The following CFAP91 variants were observed in gnomAD, a reference collection of about 807,000 sequenced individuals.
The protein encoded by CFAP91 is cilia and flagella associated protein 91.
In CFAP91, 85 loss-of-function variants were observed where a neutral mutation model predicts 95.9. The observed-to-expected ratio is 0.89, with a 90% CI of 0.74 to 1.06. CFAP91 has a LOEUF of 1.06. CFAP91 is among the 50% of genes least tolerant of loss of function. The pLI is 0.00. For missense variants in CFAP91, 962 were observed against 943.4 expected, an observed-to-expected ratio of 1.02 and a Z score of -0.26; for synonymous variants, 335 against 327.5, an observed-to-expected ratio of 1.02 and a Z score of -0.25.
In CFAP91 at chr3:119,709,825, C is replaced by T. The variant is rs2053441880; in HGVS notation, c.444-14C>T. 2.5e-6 allele frequency: 4 copies of T among 1,603,274 alleles called. No individual in the cohort carries two copies. The highest frequency in any genetic ancestry group is 3.4e-6 in the Non-Finnish European group (4 of 1,170,476). On this transcript the variant is annotated splice_polypyrimidine_tract_variant and intron_variant, in intron 4 of 17. Transcript: ENST00000273390. ...CAAAAGTCCCACACATTTATGTTTT[C>T]TTTTTCCTCCCAGGCCTTTTCTCCC...
chr3:119,753,013 G>T (rs1019758639), intron 17 of CFAP91, among the ~76,000 whole-genome samples: 2 of 152,126 alleles, frequency 1.3e-5, no homozygotes, highest in African/African-American at 4.8e-5. Flanking sequence ...TCTAGGGAAA[G>T]GGGCAGTAGT....
Position 119,730,207 on chromosome 3 carries a change from A to C in CFAP91, c.861-13A>C. 1 of 1,609,728 alleles carries C rather than the reference A, an allele frequency of 6.2e-7. No homozygotes were observed. Among genetic ancestry groups the C allele is most frequent in the Non-Finnish European group, 8.5e-7 (1 of 1,178,302 alleles). On this transcript the variant is annotated splice_polypyrimidine_tract_variant and intron_variant, in intron 7 of 17. Transcript: ENST00000273390. ...TGCCATATGCTTCTTTATGTTTTGTAATTTACTTGAAGACTGCAGGAGATT... is the reference window on the plus strand; with the variant it reads ...TGCCATATGCTTCTTTATGTTTTGTCATTTACTTGAAGACTGCAGGAGATT...
intron 1 of CFAP91, 180 bp downstream of exon 1, chr3:119,703,402 A>T: frequency 1.1e-6 from 1 of 895,526 alleles, no homozygotes; most frequent in South Asian, 1.7e-5. Context: ...GGCCGCACTC[A>T]GGTTGGGGTC....
chr3:119,732,390 A>G lies in CFAP91; in HGVS notation c.1115A>G (p.Tyr372Cys), dbSNP rs775772542. The G allele has an allele frequency of 1.2e-5, 19 of 1,613,334 alleles. No homozygotes were observed. Among genetic ancestry groups the G allele is most frequent in the Middle Eastern group, 1.6e-4 (1 of 6,084 alleles). Residue 372 changes from tyrosine (Y) to cysteine (C), a missense_variant, in exon 9 of 18, where the codon TAT becomes TGT. Physicochemically the swap from Tyr to Cys is radical, Grantham distance 194. Transcript: ENST00000273390. ...KDYSDYASQV[Y>C]GPLSRLGCFP... is the part of the protein sequence containing the mutation. Reference sequence around the variant, plus strand: ...TATTCTGATTATGCATCACAGGTCTATGGACCTCTGTCTCGTCTTGGGTGT... The same window carrying G: ...TATTCTGATTATGCATCACAGGTCTGTGGACCTCTGTCTCGTCTTGGGTGT...
intron 8 of CFAP91, among the ~76,000 whole-genome samples, chr3:119,731,849 A>G (rs1407004795): frequency 2.0e-5 from 3 of 152,246 alleles, no homozygotes; most frequent in Non-Finnish European, 4.4e-5. Flanking sequence ...GTAAGCTGAG[A>G]CAGTCTTTGG....
intron 16 of CFAP91, among the ~76,000 whole-genome samples, chr3:119,749,873 AAGTAAT>A (rs2054295321): frequency 6.6e-6 from 1 of 152,236 alleles, no homozygotes; most frequent in Non-Finnish European, 1.5e-5. Context: ...TATAGATATA[AAGTAAT>A]AGTAACTGCC....
rs2054622277 is a variant in CFAP91, at chr3:119,766,076, A to G, written c.*1026A>G. 1 of 152,218 alleles carries G rather than the reference A, an allele frequency of 6.6e-6. No homozygotes were observed. The allele number at this position is 152,218 out of a possible 1,614,324, so 9.4% of individuals were successfully genotyped here. The stretch of plus-strand genomic sequence containing the variant: ...AAAAGATTTAAAATCCAGCAACAAA[A>G]TTTACACATTCATTTGGATGCAGTG... On this transcript the variant is annotated 3_prime_UTR_variant, in exon 18 of 18. Transcript: ENST00000273390.
chr3:119,743,545 T>C (rs1374358860), intron 13 of CFAP91, among the ~76,000 whole-genome samples: 1 of 152,222 alleles, frequency 6.6e-6, no homozygotes, highest in Non-Finnish European at 1.5e-5. Context: ...AGGAAAGATA[T>C]TGAAAAATTA....
chr3:119,725,866 A>T (rs2053772643), intron 6 of CFAP91, among the ~76,000 whole-genome samples: 2 of 152,208 alleles, frequency 1.3e-5, no homozygotes, highest in Non-Finnish European at 2.9e-5. Context: ...TTCAGTATAT[A>T]AATTTGTTTA....
intron 6 of CFAP91, among the ~76,000 whole-genome samples, chr3:119,723,929 G>A (rs1248747034): frequency 6.6e-6 from 1 of 151,778 alleles, no homozygotes; most frequent in African/African-American, 2.4e-5. Flanking sequence ...GGAGGCTGAA[G>A]CTAGCAGATC....
chr3:119,712,799 A>T (rs1433048659), intron 5 of CFAP91, among the ~76,000 whole-genome samples: 1 of 152,058 alleles, frequency 6.6e-6, no homozygotes, highest in African/African-American at 2.4e-5. Context: ...TACTAAAAAT[A>T]CAAAAATTAG....
chr3:119,733,508 T>C lies in CFAP91; in HGVS notation c.1344+2T>C. On this transcript the variant is annotated splice_donor_variant, in intron 10 of 17. Coordinates refer to ENST00000273390, the MANE Select transcript of CFAP91 (RefSeq NM_033364.4). LOFTEE classifies it high-confidence loss of function. Reference sequence around the variant, plus strand: ...TATGAGTTGGCAGAGGTTCATAAGGTATAATCATTATCTGGAGGACAAAAT... The same window carrying C: ...TATGAGTTGGCAGAGGTTCATAAGGCATAATCATTATCTGGAGGACAAAAT... The C allele has an allele frequency of 6.2e-7, 1 of 1,607,956 alleles. No homozygotes were observed. The highest frequency in any genetic ancestry group is 2.2e-5 in the East Asian group (1 of 44,840).
intron 17 of CFAP91, among the ~76,000 whole-genome samples, chr3:119,755,039 C>T (rs2054399964): frequency 6.6e-6 from 1 of 152,162 alleles, no homozygotes; most frequent in Non-Finnish European, 1.5e-5. Context: ...GTCTCCTATG[C>T]CTCTCCCACC....
chr3:119,730,459 A>C (rs1214390934), intron 8 of CFAP91, 82 bp downstream of exon 8: 23 of 1,405,666 alleles, frequency 1.6e-5, no homozygotes, highest in African/African-American at 2.9e-5. Context: ...CTTAACTATG[A>C]TATAATTCTG....
rs1452044262 is a variant in CFAP91, at chr3:119,765,355, ATGT to A, written c.*309_*311del. ...GGTTTGTTGAATCAAACAAAAGGAA[ATGT>A]TGTGGAATATTTTTCCAAGTAGTTT... is the stretch of plus-strand genomic sequence containing the variant. On this transcript the variant is annotated 3_prime_UTR_variant, in exon 18 of 18. Coordinates refer to ENST00000273390, the MANE Select transcript of CFAP91 (RefSeq NM_033364.4). The A allele has an allele frequency of 6.6e-6, 1 of 152,194 alleles. No individual in the cohort carries two copies. The highest frequency in any genetic ancestry group is 2.4e-5 in the African/African-American group (1 of 41,454). The allele number at this position is 152,194 out of a possible 1,614,324, so 9.4% of individuals were successfully genotyped here.
At chr3:119,738,791 T>C (rs776728223) in intron 11 of CFAP91, among the ~76,000 whole-genome samples, 6 of 152,240 alleles carry the variant, frequency 3.9e-5, no homozygotes, top group Non-Finnish European at 8.8e-5. Context: ...TTTTTATAGA[T>C]GGCTAACCTT....
In CFAP91 at chr3:119,707,036, T is replaced by C. The variant is rs1404397546; in HGVS notation, c.201+151T>C. ...GCCAAGATTACTGGAGGGCAAAGCA[T>C]CTTAATACGTGTGGCTCATTGTGAG... On this transcript the variant is annotated intron_variant, in intron 2 of 17. Transcript: ENST00000273390. 5 of 641,124 alleles carry C rather than the reference T, an allele frequency of 7.8e-6. No homozygotes were observed. The Admixed American group carries it at 1.2e-4, about 16-fold the overall frequency. The allele number at this position is 641,124 out of a possible 1,614,324, so 39.7% of individuals were successfully genotyped here.
At chr3:119,731,636 T>C (rs2053898888) in intron 8 of CFAP91, among the ~76,000 whole-genome samples, 1 of 152,206 alleles carries the variant, frequency 6.6e-6, no homozygotes, top group Non-Finnish European at 1.5e-5. Context: ...GGCCCCCTCT[T>C]GCAGCATGAC....
chr3:119,740,498 G>A (rs1182052643), intron 12 of CFAP91, 51 bp from the exon 13 acceptor site: 1 of 1,594,916 alleles, frequency 6.3e-7, no homozygotes, highest in East Asian at 2.3e-5. Flanking sequence ...CTAGTGCTTG[G>A]CACAAAGGGA....
Sources: gnomAD v4.1 joint callset for allele counts (sites outside exome capture counted in the v4.1 genomes callset) on GRCh38, gnomAD v4.1.1 for gene constraint, MANE v1.5 for transcripts, NCBI Gene and HGNC (gene_info 2026-07-23, HGNC 2026-07-21) for gene names.